ITFG1: variants seen among roughly 807,000 people sequenced by gnomAD.
The protein encoded by ITFG1 is integrin alpha FG-GAP repeat containing 1, also known as T-cell immunomodulatory protein.
Under a neutral mutation model 81.8 loss-of-function variants are expected in ITFG1, and 34 were observed. The ratio of observed to expected loss-of-function variants is 0.42; its 90% CI spans 0.32 to 0.55. The LOEUF is 0.55. Among genes scored for constraint, ITFG1 ranks in the 20% least tolerant of loss-of-function variants. The pLI, the probability that ITFG1 is intolerant of heterozygous loss-of-function variation, is 0.17. For synonymous variants in ITFG1, 285 were observed against 270.6 expected, an observed-to-expected ratio of 1.05 and a Z score of -0.52; for missense variants, 672 against 755.4, an observed-to-expected ratio of 0.89 and a Z score of 1.29.
intron 8 of ITFG1, among the ~76,000 whole-genome samples, chr16:47,358,177 T>A (rs545613357): frequency 6.6e-6 from 1 of 152,222 alleles, no homozygotes; most frequent in Non-Finnish European, 1.5e-5. Context: ...TGAGTGCACA[T>A]AAAATATTTG....
At chr16:47,341,493 C>T (rs1967784107) in intron 8 of ITFG1, among the ~76,000 whole-genome samples, 1 of 149,036 alleles carries the variant, frequency 6.7e-6, no homozygotes, top group South Asian at 2.1e-4. Flanking sequence ...ACAAGATCCA[C>T]AAAGGCAGTA....
intron 10 of ITFG1, among the ~76,000 whole-genome samples, chr16:47,295,756 T>C (rs1379981235): frequency 6.6e-6 from 1 of 152,192 alleles, no homozygotes; most frequent in Non-Finnish European, 1.5e-5. Flanking sequence ...CAACCAACTT[T>C]TTGTTGTCTT....
chr16:47,403,482 T>C (rs1968688606), intron 6 of ITFG1, among the ~76,000 whole-genome samples: 1 of 152,142 alleles, frequency 6.6e-6, no homozygotes, highest in Non-Finnish European at 1.5e-5. Flanking sequence ...AACCACTAAA[T>C]GCACATGTAT....
At chr16:47,282,107 A>C (rs1425170628) in intron 10 of ITFG1, among the ~76,000 whole-genome samples, 2 of 151,652 alleles carry the variant, frequency 1.3e-5, no homozygotes, top group Non-Finnish European at 2.9e-5. Context: ...GGTACAATAT[A>C]TCCTATTGTA....
intron 6 of ITFG1, among the ~76,000 whole-genome samples, chr16:47,392,238 G>C (rs970790963): frequency 5.3e-5 from 8 of 152,074 alleles, no homozygotes; most frequent in Non-Finnish European, 1.2e-4. Context: ...AACATAAAGA[G>C]ACTCTGTCTC....
intron 14 of ITFG1, among the ~76,000 whole-genome samples, chr16:47,194,642 C>T (rs938294513): frequency 1.7e-4 from 26 of 152,078 alleles, no homozygotes; most frequent in African/African-American, 6.0e-4. Flanking sequence ...CACACTTCTC[C>T]TCAATGTGCC....
intron 6 of ITFG1, among the ~76,000 whole-genome samples, chr16:47,377,485 T>C (rs1308752554): frequency 2.0e-5 from 3 of 152,184 alleles, no homozygotes; most frequent in Non-Finnish European, 2.9e-5. Context: ...TCTGTGTTAC[T>C]CCCTCACAAG....
chr16:47,408,465 A>T (rs1057119715), intron 6 of ITFG1, among the ~76,000 whole-genome samples: 1 of 152,220 alleles, frequency 6.6e-6, no homozygotes, highest in Non-Finnish European at 1.5e-5. Flanking sequence ...ATGTAAAGTG[A>T]TATCTTTCCA....
chr16:47,356,556 G>C (rs1407797211), intron 8 of ITFG1, among the ~76,000 whole-genome samples: 2 of 152,162 alleles, frequency 1.3e-5, no homozygotes, highest in Non-Finnish European at 2.9e-5. Context: ...GAGTCGGAGG[G>C]AATGGATTGC....
rs541179962 is a variant in ITFG1 at position 47,350,345 on chromosome 16, G to A, written c.802+15443C>T. Among the ~76,000 whole-genome samples, 4 of 151,890 alleles carry A rather than the reference G, an allele frequency of 2.6e-5. No homozygotes were observed. In the East Asian group the frequency reaches 7.7e-4, roughly 29 times the overall value. ...GACTAATAAAGAAGAAAAGAGAGAA[G>A]AATCAAATAGACGCAATAAAAAATG... is the stretch of plus-strand genomic sequence containing the variant. On this transcript the variant is annotated intron_variant, in intron 8 of 17. Coordinates refer to ENST00000320640, the MANE Select transcript of ITFG1 (RefSeq NM_030790.5).
At chr16:47,437,135 T>G (rs1317328213) in intron 5 of ITFG1, among the ~76,000 whole-genome samples, 1 of 152,178 alleles carries the variant, frequency 6.6e-6, no homozygotes, top group East Asian at 1.9e-4. Context: ...CTTAGTTTTT[T>G]AGGTGTGATG....
At chr16:47,248,420 C>G (rs1462732316) in intron 12 of ITFG1, among the ~76,000 whole-genome samples, 3 of 151,992 alleles carry the variant, frequency 2.0e-5, no homozygotes, top group African/African-American at 7.2e-5. Flanking sequence ...AAATACTAAA[C>G]CAAAACCTTA....
chr16:47,293,469 CA>C (rs1214701403), intron 10 of ITFG1, among the ~76,000 whole-genome samples: 2 of 151,946 alleles, frequency 1.3e-5, no homozygotes, highest in East Asian at 3.9e-4. Context: ...ACATTCATAC[CA>C]ACAGCATATA....
upstream of ITFG1, chr16:47,461,075 C>T: frequency 6.7e-7 from 1 of 1,495,742 alleles, no homozygotes. Context: ...CCCGCCGGCC[C>T]AACGCCGCGC....
chr16:47,269,323 CA>C (rs1274001245), intron 10 of ITFG1, among the ~76,000 whole-genome samples: 1 of 151,370 alleles, frequency 6.6e-6, no homozygotes, highest in Non-Finnish European at 1.5e-5. Context: ...GATATAAATA[CA>C]ATAGTCAAGA....
intron 10 of ITFG1, among the ~76,000 whole-genome samples, chr16:47,274,632 T>G (rs1966378475): frequency 6.6e-6 from 1 of 152,218 alleles, no homozygotes; most frequent in Non-Finnish European, 1.5e-5. Flanking sequence ...AAATTCTCTC[T>G]TCTTATTATA....
intron 5 of ITFG1, among the ~76,000 whole-genome samples, chr16:47,444,608 A>T (rs1235607903): frequency 1.3e-5 from 2 of 152,184 alleles, no homozygotes; most frequent in African/African-American, 4.8e-5. Context: ...GTAAAAATAA[A>T]ATTTCATAAG....
At position 47,459,158 on chromosome 16, in the gene ITFG1, A is replaced by G; in HGVS notation, c.226T>C (p.Phe76Leu). ...TAGGGTGCATTCTGGTCTGCCAAAA[A>G]GACGATTAAGTCATTTCCTAAAGAA... ...VLRERNDLIV[F>L]LADQNAPYFK... Residue 76 changes from phenylalanine (F) to leucine (L), a missense_variant, in exon 2 of 18, where the codon TTT becomes CTT. Transcript: ENST00000320640. 6.3e-7 allele frequency: 1 copy of G among 1,598,234 alleles called. No individual in the cohort carries two copies. Among genetic ancestry groups the G allele is most frequent in the Non-Finnish European group, 8.6e-7 (1 of 1,165,846 alleles).
chr16:47,301,014 T>C (rs1374303651), intron 10 of ITFG1, among the ~76,000 whole-genome samples: 1 of 152,248 alleles, frequency 6.6e-6, no homozygotes, highest in Non-Finnish European at 1.5e-5. Context: ...TGATTTTATA[T>C]TTCCTTTCAG....
Sources: gnomAD v4.1 joint callset for allele counts (sites outside exome capture counted in the v4.1 genomes callset) on GRCh38, gnomAD v4.1.1 for gene constraint, MANE v1.5 for transcripts, NCBI Gene and HGNC (gene_info 2026-07-23, HGNC 2026-07-21) for gene names.